Variants in KCNH7 observed in about 807,000 individuals in gnomAD.
KCNH7 encodes the protein potassium voltage-gated channel subfamily H member 7, also known as voltage-gated inwardly rectifying potassium channel KCNH7.
In KCNH7, 49 loss-of-function variants were observed where a neutral mutation model predicts 120.8. The observed-to-expected ratio is 0.41, with a 90% CI of 0.32 to 0.51. KCNH7 has a LOEUF of 0.51. Ranked by LOEUF, KCNH7 falls within the 20% of genes least tolerant of loss-of-function variation. The pLI, the probability that KCNH7 is intolerant of heterozygous loss-of-function variation, is 0.38. For missense variants in KCNH7, 1,097 were observed against 1,446.6 expected (o/e 0.76, Z 3.92); for synonymous variants, 547 against 516.1 (o/e 1.06, Z -0.81).
In KCNH7 at chr2:162,579,073, G is replaced by GT. The variant is rs1160933644; in HGVS notation, c.308-41994dup. Among the ~76,000 whole-genome samples, 25 of 151,602 alleles carry GT rather than the reference G, an allele frequency of 1.6e-4. 1 individual carries two copies. Among genetic ancestry groups the GT allele is most frequent in the African/African-American group, 4.8e-5 (2 of 41,352 alleles). ...GCTTAGCATGAAGAAAAATGTGTCA[G>GT]TTTTTTTTCTGAGCTCATTTATGAG... On this transcript the variant is annotated intron_variant, in intron 2 of 15. Coordinates refer to ENST00000332142, the MANE Select transcript of KCNH7 (RefSeq NM_033272.4).
intron 2 of KCNH7, among the ~76,000 whole-genome samples, chr2:162,721,262 A>G (rs1478213651): frequency 6.6e-6 from 1 of 152,190 alleles, no homozygotes; most frequent in African/African-American, 2.4e-5. Context: ...AATTTTAATA[A>G]TAGTTTTAAA....
chr2:162,763,947 A>G (rs1689056653), intron 2 of KCNH7, among the ~76,000 whole-genome samples: 1 of 152,184 alleles, frequency 6.6e-6, no homozygotes, highest in East Asian at 1.9e-4. Flanking sequence ...TAAAGATGCT[A>G]CAGGAGTCTA....
rs116686243 is a variant in KCNH7, at chr2:162,733,678, G to T, written c.307+102859C>A. Among the ~76,000 whole-genome samples, 513 of 152,310 alleles carry T rather than the reference G, an allele frequency of 3.4e-3. 4 individuals are homozygous for T. The highest frequency in any genetic ancestry group is 0.012 in the African/African-American group (497 of 41,574). On this transcript the variant is annotated intron_variant, in intron 2 of 15. Transcript: ENST00000332142. ...CAGAACTTAGCCTAAGCTAACCCAT[G>T]CATCTTTTCAGCTCCTTTGGCATTT...
At chr2:162,743,279 G>A (rs1470683306) in intron 2 of KCNH7, among the ~76,000 whole-genome samples, 1 of 151,840 alleles carries the variant, frequency 6.6e-6, no homozygotes, top group Non-Finnish European at 1.5e-5. Context: ...TTGTGCATTT[G>A]TTCAAAAAAT....
chr2:162,536,621 A>G (rs1055321223), intron 3 of KCNH7, among the ~76,000 whole-genome samples: 1 of 151,994 alleles, frequency 6.6e-6, no homozygotes, highest in South Asian at 2.1e-4. Context: ...ATGAAAATAC[A>G]TAAGCAGAAT....
chr2:162,602,766 A>C (rs1222680311), intron 2 of KCNH7, among the ~76,000 whole-genome samples: 1 of 152,022 alleles, frequency 6.6e-6, no homozygotes, highest in Non-Finnish European at 1.5e-5. Context: ...ATGAATAAAC[A>C]GAGGCCAGTA....
intron 12 of KCNH7, among the ~76,000 whole-genome samples, chr2:162,393,441 A>G (rs1400203259): frequency 6.6e-6 from 1 of 151,978 alleles, no homozygotes; most frequent in African/African-American, 2.4e-5. Flanking sequence ...AACAAGAAGA[A>G]AAAGGAGCCT....
intron 2 of KCNH7, among the ~76,000 whole-genome samples, chr2:162,691,784 T>A (rs922585294): frequency 9.9e-5 from 15 of 152,198 alleles, no homozygotes; most frequent in African/African-American, 3.6e-4. Flanking sequence ...GCACATAATT[T>A]GGCAGATTAT....
At chr2:162,493,453 C>T (rs1690393801) in intron 6 of KCNH7, among the ~76,000 whole-genome samples, 1 of 152,170 alleles carries the variant, frequency 6.6e-6, no homozygotes, top group Non-Finnish European at 1.5e-5. Context: ...ATACAAATGT[C>T]TTCAAAATGT....
chr2:162,655,860 G>T (rs1684736988), intron 2 of KCNH7, among the ~76,000 whole-genome samples: 1 of 152,122 alleles, frequency 6.6e-6, no homozygotes, highest in Non-Finnish European at 1.5e-5. Context: ...TCGTAGCATA[G>T]TTCCTGATAC....
At chr2:162,791,486 T>C (rs1683943300) in intron 2 of KCNH7, among the ~76,000 whole-genome samples, 1 of 152,100 alleles carries the variant, frequency 6.6e-6, no homozygotes, top group South Asian at 2.1e-4. Context: ...GTTCTCCTTG[T>C]AGGGATCTTT....
At chr2:162,624,889 G>GTTTTTTTTTTT (rs66562676) in intron 2 of KCNH7, among the ~76,000 whole-genome samples, 2 of 69,714 alleles carry the variant, frequency 2.9e-5, no homozygotes, top group Non-Finnish European at 4.9e-5. Context: ...TGCACTCTTG[G>GTTTTTTTTTTT]TTTTTTTTTT....
At chr2:162,667,886 T>C (rs986122838) in intron 2 of KCNH7, among the ~76,000 whole-genome samples, 4 of 152,210 alleles carry the variant, frequency 2.6e-5, no homozygotes, top group Admixed American at 6.5e-5. Flanking sequence ...TCACATGATA[T>C]GTTAAATGCT....
intron 2 of KCNH7, among the ~76,000 whole-genome samples, chr2:162,720,851 TAGA>T (rs1329116413): frequency 6.6e-6 from 1 of 152,164 alleles, no homozygotes; most frequent in African/African-American, 2.4e-5. Flanking sequence ...TTGTGAATAC[TAGA>T]AGAATATTTC....
chr2:162,571,889 A>G (rs1200007564), intron 2 of KCNH7, among the ~76,000 whole-genome samples: 3 of 151,946 alleles, frequency 2.0e-5, no homozygotes, highest in East Asian at 1.9e-4. Flanking sequence ...TTATACAAAA[A>G]TCAATTCAAG....
chr2:162,546,477 T>C lies in KCNH7; in HGVS notation c.308-9397A>G, dbSNP rs142083869. On this transcript the variant is annotated intron_variant, in intron 2 of 15. Coordinates refer to ENST00000332142, the MANE Select transcript of KCNH7 (RefSeq NM_033272.4). ...AACACAACACTGAACTGACTGAGCT[T>C]ACTCAGAATATGAGCAAATCTGCAT... 2.3e-3 allele frequency among the ~76,000 whole-genome samples: 352 copies of C among 152,276 alleles called. 1 individual carries two copies. Among genetic ancestry groups the C allele is most frequent in the African/African-American group, 8.0e-3 (333 of 41,562 alleles).
chr2:162,801,475 AT>A (rs561134233), intron 2 of KCNH7, among the ~76,000 whole-genome samples: 6 of 151,524 alleles, frequency 4.0e-5, no homozygotes, highest in African/African-American at 1.2e-4. Flanking sequence ...TTGAAGCACC[AT>A]TTTTTTTCCT....
chr2:162,710,742 G>C (rs1686899255), intron 2 of KCNH7, among the ~76,000 whole-genome samples: 1 of 152,162 alleles, frequency 6.6e-6, no homozygotes, highest in South Asian at 2.1e-4. Flanking sequence ...AGCAGCTGCT[G>C]CTACTTAGCT....
At chr2:162,752,940 A>ACCCCTGACT (rs1559116259) in intron 2 of KCNH7, among the ~76,000 whole-genome samples, 1 of 99,150 alleles carries the variant, frequency 1.0e-5, no homozygotes, top group African/African-American at 6.2e-5. Context: ...AAAGAAAAGA[A>ACCCCTGACT]AAGAAAAGAA....
Sources: gnomAD v4.1 joint callset for allele counts (sites outside exome capture counted in the v4.1 genomes callset) on GRCh38, gnomAD v4.1.1 for gene constraint, MANE v1.5 for transcripts, NCBI Gene and HGNC (gene_info 2026-07-23, HGNC 2026-07-21) for gene names.